Variants in NLRP9 observed in about 807,000 individuals in gnomAD.
NLRP9 encodes NLR family pyrin domain containing 9.
NLRP9 carries 88 observed loss-of-function variants against 83.1 expected under a neutral mutation model. The ratio of observed to expected loss-of-function variants is 1.06; its 90% CI spans 0.89 to 1.26. The LOEUF (loss-of-function observed/expected upper bound fraction) is 1.26, where lower values mean the gene tolerates loss of function less well. Ranked by LOEUF, NLRP9 falls within the 50% of genes most tolerant of loss-of-function variation. NLRP9 has a pLI of 0.00. For missense variants in NLRP9, 1,308 were observed against 1,179.3 expected (o/e 1.11, Z -1.60); for synonymous variants, 521 against 447.6 (o/e 1.16, Z -2.07).
rs377227740 is a variant in NLRP9 at position 55,708,889 on chromosome 19, C to T, written c.*23G>A. On this transcript the variant is annotated 3_prime_UTR_variant, in exon 9 of 9. Transcript: ENST00000332836. Reference sequence around the variant, plus strand: ...GTGGCCAAGGAAAGCCTTTGTGAGACGACTACTTCAGGGTGTTCCCCATCA... The same window carrying T: ...GTGGCCAAGGAAAGCCTTTGTGAGATGACTACTTCAGGGTGTTCCCCATCA... The T allele has an allele frequency of 1.0e-4, 155 of 1,499,630 alleles. 1 individual carries two copies. Among genetic ancestry groups the T allele is most frequent in the African/African-American group, 1.2e-4 (8 of 68,828 alleles). 92.9% of individuals were successfully genotyped at this position (1,499,630 alleles called of 1,614,324 possible).
chr19:55,737,200 A>C (rs910334951), intron 1 of NLRP9: 1 of 152,184 alleles, frequency 6.6e-6, no homozygotes, highest in Non-Finnish European at 1.5e-5. Flanking sequence ...ACATGGGAAC[A>C]CTGTTTTGTC....
chr19:55,714,038 G>C (rs866782629), intron 6 of NLRP9, among the ~76,000 whole-genome samples: 6 of 149,508 alleles, frequency 4.0e-5, no homozygotes, highest in Non-Finnish European at 7.4e-5. Context: ...ACACATCCTT[G>C]CAGCCTCACA....
At chr19:55,736,650 A>G (rs1988792881) in intron 1 of NLRP9, among the ~76,000 whole-genome samples, 2 of 151,982 alleles carry the variant, frequency 1.3e-5, no homozygotes, top group South Asian at 4.2e-4. Flanking sequence ...CCTGACCAAC[A>G]TGGTGATACC....
At chr19:55,737,803 G>A (rs1448366925) in intron 1 of NLRP9, among the ~76,000 whole-genome samples, 2 of 147,970 alleles carry the variant, frequency 1.4e-5, no homozygotes, top group Non-Finnish European at 3.0e-5. Context: ...AGTAGACCTG[G>A]CAATGCAGAC....
intron 7 of NLRP9, 101 bp downstream of exon 7, chr19:55,712,319 T>G: frequency 3.9e-6 from 4 of 1,015,322 alleles, no homozygotes; most frequent in Non-Finnish European, 4.4e-6. Context: ...CCAGAGGGAC[T>G]TGCTTTTAAA....
Position 55,732,943 on chromosome 19 carries a change from T to A in NLRP9, c.888A>T (p.Leu296Phe). ...ACTTCTTTTCAGATTCACTGAATCC[T>A]AAGAGCTTTATGAGTTTTGGATGCC... The part of the protein sequence containing the change: ...MLRHPKLIKL[L>F]GFSESEKKSY... Residue 296 changes from leucine (L) to phenylalanine (F), a missense_variant, in exon 2 of 9, where the codon TTA (leucine) becomes TTT (phenylalanine). Coordinates refer to ENST00000332836, the MANE Select transcript of NLRP9 (RefSeq NM_176820.4). The A allele has an allele frequency of 6.2e-7, 1 of 1,614,156 alleles. No individual in the cohort carries two copies.
In NLRP9 at chr19:55,711,228, C is replaced by T. The variant is rs188216755; in HGVS notation, c.2843+572G>A. The stretch of plus-strand genomic sequence containing the variant: ...TATTCAGCCTCTTCCATTTATACCC[C>T]GCCCATTTGTTTTTTAAAAAATAAA... On this transcript the variant is annotated intron_variant, in intron 8 of 8. Transcript: ENST00000332836. 1,603 of 286,448 alleles carry T rather than the reference C, an allele frequency of 5.6e-3. 9 individuals are homozygous for T. Among genetic ancestry groups the T allele is most frequent in the Admixed American group, 7.3e-3 (113 of 15,404 alleles). The allele number at this position is 286,448 out of a possible 1,614,324, so 17.7% of individuals were successfully genotyped here. A position where few individuals can be genotyped will look rare whatever the true frequency, so the allele number is the denominator to read the frequency against.
In NLRP9 at chr19:55,711,913, G is replaced by C. The variant is rs369843713; in HGVS notation, c.2730C>G (p.Ile910Met). Residue 910 changes from isoleucine to methionine, a missense_variant, in exon 8 of 9, where the codon ATC becomes ATG. By Grantham distance (10) the Ile-to-Met change is conservative. Coordinates refer to ENST00000332836, the MANE Select transcript of NLRP9 (RefSeq NM_176820.4). ...TCAGGCTCCTCAGTGTTTTGCAGGC[G>C]ATGAGTGCTGCGGCGATGTCGTCGC... is the stretch of plus-strand genomic sequence containing the variant. ...ACCDDIAAAL[I>M]ACKTLRSLNL... 6.2e-6 allele frequency: 10 copies of C among 1,613,116 alleles called. No homozygotes were observed. The highest frequency in any genetic ancestry group is 1.6e-4 in the Middle Eastern group (1 of 6,084).
intron 2 of NLRP9, among the ~76,000 whole-genome samples, chr19:55,730,863 A>G (rs1350546410): frequency 1.3e-5 from 2 of 152,098 alleles, no homozygotes; most frequent in Non-Finnish European, 2.9e-5. Context: ...ACCATGACAC[A>G]CGCTTACCTA....
chr19:55,715,757 C>T (rs1987984213), intron 5 of NLRP9, among the ~76,000 whole-genome samples: 1 of 148,952 alleles, frequency 6.7e-6, no homozygotes, highest in South Asian at 2.1e-4. Context: ...AATACAGTGT[C>T]CCAACAAACA....
intron 1 of NLRP9, among the ~76,000 whole-genome samples, chr19:55,736,402 A>C (rs1988786471): frequency 6.6e-6 from 1 of 151,922 alleles, no homozygotes; most frequent in South Asian, 2.1e-4. Flanking sequence ...AAAAAGAAAA[A>C]AGTCATGTCA....
chr19:55,711,404 A>G lies in NLRP9; in HGVS notation c.2843+396T>C, dbSNP rs112275987. The stretch of plus-strand genomic sequence containing the variant: ...CTGCCATTTGGCGAATGTATTTCTG[A>G]ATCAAGACCTTAGCCCATTCCAGAA... On this transcript the variant is annotated intron_variant, in intron 8 of 8. Coordinates refer to ENST00000332836, the MANE Select transcript of NLRP9 (RefSeq NM_176820.4). 3 of 1,272,596 alleles carry G rather than the reference A, an allele frequency of 2.4e-6. No individual in the cohort carries two copies. The African/African-American group carries it at 4.6e-5, about 20-fold the overall frequency. The allele number at this position is 1,272,596 out of a possible 1,614,324, so 78.8% of individuals were successfully genotyped here.
chr19:55,715,230 A>G lies in NLRP9; in HGVS notation c.2331-5T>C. On this transcript the variant is annotated splice_polypyrimidine_tract_variant and splice_region_variant and intron_variant, in intron 5 of 8. Transcript: ENST00000332836. The stretch of plus-strand genomic sequence containing the variant: ...GTGAGACAGCAGTACATCAACCTGC[A>G]AAGAAACACACCGTCTCCCAGCCTG... 1 of 1,611,998 alleles carries G rather than the reference A, an allele frequency of 6.2e-7. No individual in the cohort carries two copies. Among genetic ancestry groups the G allele is most frequent in the Non-Finnish European group, 8.5e-7 (1 of 1,179,034 alleles).
chr19:55,722,784 T>A (rs779591941), intron 4 of NLRP9, among the ~76,000 whole-genome samples: 15 of 152,172 alleles, frequency 9.9e-5, no homozygotes, highest in Admixed American at 2.0e-4. Context: ...AAAGAAAATA[T>A]GGTACATGTA....
intron 1 of NLRP9, among the ~76,000 whole-genome samples, chr19:55,735,596 T>A (rs1988763722): frequency 1.3e-5 from 2 of 152,220 alleles, no homozygotes; most frequent in African/African-American, 2.4e-5. Flanking sequence ...TATATACTAT[T>A]TTCAAACATG....
At chr19:55,736,212 A>C (rs1400445975) in intron 1 of NLRP9, among the ~76,000 whole-genome samples, 11 of 151,792 alleles carry the variant, frequency 7.2e-5, no homozygotes, top group Admixed American at 7.2e-4. Flanking sequence ...TAACACGGTG[A>C]GACCCCATCT....
chr19:55,712,631 G>A (rs748752051), intron 6 of NLRP9, 41 bp from the exon 7 acceptor site: 2 of 1,543,690 alleles, frequency 1.3e-6, no homozygotes, highest in Non-Finnish European at 1.8e-6. Flanking sequence ...CACTTATGAG[G>A]TCAATCATAA....
chr19:55,710,593 A>G (rs1226761217), intron 8 of NLRP9, among the ~76,000 whole-genome samples: 1 of 152,040 alleles, frequency 6.6e-6, no homozygotes, highest in Admixed American at 6.6e-5. Context: ...TAGAGTTCTC[A>G]CGAGATCTGG....
intron 2 of NLRP9, among the ~76,000 whole-genome samples, chr19:55,730,826 G>C (rs984102568): frequency 1.3e-5 from 2 of 152,056 alleles, no homozygotes; most frequent in Non-Finnish European, 2.9e-5. Context: ...TGATACCTGG[G>C]TGATGGGATG....
Sources: gnomAD v4.1 joint callset for allele counts (sites outside exome capture counted in the v4.1 genomes callset) on GRCh38, gnomAD v4.1.1 for gene constraint, MANE v1.5 for transcripts, NCBI Gene and HGNC (gene_info 2026-07-23, HGNC 2026-07-21) for gene names.